The following SASH1 variants were observed in gnomAD, a reference collection of about 807,000 sequenced individuals.
SASH1 encodes SAM and SH3 domain containing 1.
SASH1 carries 44 observed loss-of-function variants against 125.2 expected under a neutral mutation model. That is an observed-to-expected ratio of 0.35 (90% CI 0.28 to 0.45). The LOEUF is 0.45. Among genes scored for constraint, SASH1 ranks in the 20% least tolerant of loss-of-function variants. SASH1 has a pLI of 1.00. For synonymous variants in SASH1, 639 were observed against 649.1 expected (o/e 0.98, Z 0.24); for missense variants, 1,426 against 1,614.5 (o/e 0.88, Z 2.00).
At chr6:148,317,714 G>A (rs982455804) in intron 1 of SASH1, among the ~76,000 whole-genome samples, 2 of 152,086 alleles carry the variant, frequency 1.3e-5, no homozygotes, top group African/African-American at 4.8e-5. Flanking sequence ...CGTGAGCCAC[G>A]GCGCCCGGCC....
intron 4 of SASH1, among the ~76,000 whole-genome samples, chr6:148,458,803 C>CA (rs1278700226): frequency 6.6e-6 from 1 of 151,958 alleles, no homozygotes; most frequent in East Asian, 1.9e-4. Flanking sequence ...GTACAAAAAA[C>CA]AAAAAATCAA....
At chr6:148,499,798 C>T (rs978978568) in intron 8 of SASH1, among the ~76,000 whole-genome samples, 1 of 152,124 alleles carries the variant, frequency 6.6e-6, no homozygotes, top group African/African-American at 2.4e-5. Flanking sequence ...GCATTTCTCT[C>T]TCTCAGTATT....
intron 2 of SASH1, among the ~76,000 whole-genome samples, chr6:148,410,098 CCTTTT>C (rs1784558390): frequency 1.6e-5 from 2 of 127,384 alleles, no homozygotes; most frequent in Admixed American, 1.7e-4. Context: ...CCAGAGCAGT[CCTTTT>C]TTTTTTTTTT....
chr6:148,261,800 C>G, the SASH1 span, among the ~76,000 whole-genome samples: 1 of 151,978 alleles, frequency 6.6e-6, no homozygotes, highest in Non-Finnish European at 1.5e-5. Flanking sequence ...AACCATCAGT[C>G]AAACAAGGAG....
intron 1 of SASH1, among the ~76,000 whole-genome samples, chr6:148,298,122 T>C (rs1271345287): frequency 6.6e-6 from 1 of 151,560 alleles, no homozygotes; most frequent in Non-Finnish European, 1.5e-5. Flanking sequence ...TTCTCCTGCC[T>C]CAGCCTCCCT....
intron 1 of SASH1, among the ~76,000 whole-genome samples, chr6:148,310,275 T>C (rs1465373680): frequency 2.0e-5 from 3 of 152,122 alleles, no homozygotes; most frequent in Admixed American, 6.6e-5. Context: ...TAAGCCAAGA[T>C]TGCGACACTG....
intron 1 of SASH1, among the ~76,000 whole-genome samples, chr6:148,376,720 C>G (rs1782908076): frequency 1.3e-5 from 2 of 152,046 alleles, no homozygotes; most frequent in Non-Finnish European, 2.9e-5. Context: ...AAAAAATTAG[C>G]TGGGCCTGGT....
chr6:148,205,719 C>T, the SASH1 span, among the ~76,000 whole-genome samples: 1 of 152,184 alleles, frequency 6.6e-6, no homozygotes, highest in Non-Finnish European at 1.5e-5. Context: ...AAAGTGGAGA[C>T]TAATCCAACT....
At chr6:148,488,540 G>A (rs553568146) in intron 8 of SASH1, among the ~76,000 whole-genome samples, 24 of 152,296 alleles carry the variant, frequency 1.6e-4, no homozygotes, top group Middle Eastern at 3.4e-3. Context: ...GGATCATGTA[G>A]TAATTCTGTA....
At chr6:148,315,935 C>A (rs1780469845) in intron 1 of SASH1, among the ~76,000 whole-genome samples, 1 of 152,098 alleles carries the variant, frequency 6.6e-6, no homozygotes. Flanking sequence ...AAACTAAGAC[C>A]AGCCTGCCAC....
In SASH1 at chr6:148,346,810, C is replaced by T. The variant is rs75769833; in HGVS notation, c.156+3587C>T. ...GCTTCCACTGGAAACTAATGGTAAACTGCAACATGTTTATAAGCCCTGAGC... is the reference window on the plus strand; with the variant it reads ...GCTTCCACTGGAAACTAATGGTAAATTGCAACATGTTTATAAGCCCTGAGC... On this transcript the variant is annotated intron_variant, in intron 1 of 19. Transcript: ENST00000367467. 5.1e-3 allele frequency among the ~76,000 whole-genome samples: 779 copies of T among 152,302 alleles called. 27 individuals carry two copies. The highest frequency in any genetic ancestry group is 0.039 in the Admixed American group (602 of 15,288).
intron 2 of SASH1, among the ~76,000 whole-genome samples, chr6:148,392,750 C>A (rs1377860162): frequency 1.3e-5 from 2 of 152,216 alleles, no homozygotes; most frequent in Admixed American, 6.5e-5. Context: ...AAGTGTCATC[C>A]AGGGGCTGAC....
At chr6:148,499,583 A>G (rs151116765) in intron 8 of SASH1, among the ~76,000 whole-genome samples, 6 of 152,116 alleles carry the variant, frequency 3.9e-5, no homozygotes, top group African/African-American at 1.4e-4. Flanking sequence ...CTATTGTGAT[A>G]GGTGCACACA....
intron 1 of SASH1, among the ~76,000 whole-genome samples, chr6:148,376,845 G>A (rs963230996): frequency 6.6e-6 from 1 of 151,962 alleles, no homozygotes; most frequent in Non-Finnish European, 1.5e-5. Flanking sequence ...TCCAGCCTGG[G>A]TGACAGAATG....
At position 148,483,394 on chromosome 6, in the gene SASH1, T is replaced by C. The variant is rs550916406; in HGVS notation, c.628-4220T>C. On this transcript the variant is annotated intron_variant, in intron 7 of 19. Coordinates refer to ENST00000367467, the MANE Select transcript of SASH1 (RefSeq NM_015278.5). Reference sequence around the variant, plus strand: ...GGCCCCAAACACCTCTCTTTAGGCCTCCATCCCCAATATTGGAATTCAATT... The same window carrying C: ...GGCCCCAAACACCTCTCTTTAGGCCCCCATCCCCAATATTGGAATTCAATT... 2.4e-3 allele frequency among the ~76,000 whole-genome samples: 370 copies of C among 152,260 alleles called. 1 individual carries two copies. Among genetic ancestry groups the C allele is most frequent in the African/African-American group, 8.2e-3 (342 of 41,554 alleles).
chr6:148,432,894 T>C (rs954331630), intron 2 of SASH1, among the ~76,000 whole-genome samples: 1 of 152,214 alleles, frequency 6.6e-6, no homozygotes, highest in African/African-American at 2.4e-5. Context: ...AAAGCCAGAA[T>C]GTCATCATTT....
intron 1 of SASH1, among the ~76,000 whole-genome samples, chr6:148,384,955 G>T (rs1292705419): frequency 1.3e-5 from 2 of 152,136 alleles, no homozygotes; most frequent in Non-Finnish European, 2.9e-5. Context: ...TAATCATCAG[G>T]TAGTTGGTTG....
chr6:148,521,098 C>T (rs971846487), intron 10 of SASH1, among the ~76,000 whole-genome samples: 10 of 152,276 alleles, frequency 6.6e-5, no homozygotes, highest in Admixed American at 3.3e-4. Flanking sequence ...TGATCAGAGA[C>T]CTAGTAAGAT....
At position 148,487,672 on chromosome 6, in the gene SASH1, C is replaced by T. The variant is rs769165065; in HGVS notation, c.686C>T (p.Pro229Leu). 3.7e-6 allele frequency: 6 copies of T among 1,613,730 alleles called. No individual in the cohort carries two copies. The highest frequency in any genetic ancestry group is 5.1e-6 in the Non-Finnish European group (6 of 1,179,814). The change falls in exon 8 of 20, where the codon CCA (proline) becomes CTA (leucine). Residue 229 changes from proline (P) to leucine (L), a missense_variant. Pro to Leu is a moderately conservative substitution (Grantham distance 98). This residue lies in a region of SASH1 where 567 missense variants were observed against 575.6 expected (regional missense o/e 0.99). Coordinates refer to ENST00000367467, the MANE Select transcript of SASH1 (RefSeq NM_015278.5). Reference sequence around the variant, plus strand: ...GCTGCCCTGGACCCTGCTGACTGGCCAGATGGTTCTTACCCAACGTTTGAT... The same window carrying T: ...GCTGCCCTGGACCCTGCTGACTGGCTAGATGGTTCTTACCCAACGTTTGAT... ...QSAALDPADW[P>L]DGSYPTFDGS...
Sources: allele counts gnomAD v4.1 joint callset (sites outside exome capture counted in the v4.1 genomes callset), GRCh38; gene constraint gnomAD v4.1.1; regional missense constraint gnomAD v4.1.1; transcripts MANE v1.5; gene names NCBI Gene and HGNC (gene_info 2026-07-23, HGNC 2026-07-21).